Variants in DENND1A observed in about 807,000 individuals in gnomAD.
The protein encoded by DENND1A is DENN domain containing 1A.
A neutral mutation model predicts 113.7 loss-of-function variants in DENND1A; 51 were observed. The observed-to-expected ratio is 0.45, with a 90% confidence interval of 0.36 to 0.57. The LOEUF is 0.57. Among genes scored for constraint, DENND1A ranks in the 20% least tolerant of loss-of-function variants. The pLI is 0.00. For missense variants in DENND1A, 1,258 were observed against 1,395.9 expected, an observed-to-expected ratio of 0.90 and a Z score of 1.57; for synonymous variants, 565 against 570.8, an observed-to-expected ratio of 0.99 and a Z score of 0.14.
chr9:123,879,553 TACACACAC>T (rs138124573), intron 1 of DENND1A, among the ~76,000 whole-genome samples: 3 of 149,996 alleles, frequency 2.0e-5, no homozygotes, highest in East Asian at 2.0e-4. Context: ...AATAAAATTA[TACACACAC>T]ACACACACAC....
At chr9:123,493,010 C>A (rs1180504181) in intron 13 of DENND1A, 1 of 152,212 alleles carries the variant, frequency 6.6e-6, no homozygotes, top group Non-Finnish European at 1.5e-5. Context: ...CCTGAGGAAC[C>A]CCTGCTGAGG....
At chr9:123,859,691 G>A (rs536933388) in intron 2 of DENND1A, among the ~76,000 whole-genome samples, 22 of 152,148 alleles carry the variant, frequency 1.4e-4, no homozygotes, top group African/African-American at 5.1e-4. Context: ...CTATACAAAT[G>A]CTAGCCATTT....
At chr9:123,637,177 A>G (rs1042191985) in intron 9 of DENND1A, among the ~76,000 whole-genome samples, 2 of 152,210 alleles carry the variant, frequency 1.3e-5, no homozygotes, top group Non-Finnish European at 2.9e-5. Flanking sequence ...ACAGGGTTAG[A>G]GGCATTTGGA....
intron 2 of DENND1A, among the ~76,000 whole-genome samples, chr9:123,801,170 T>C (rs1449198017): frequency 6.6e-6 from 1 of 152,206 alleles, no homozygotes; most frequent in African/African-American, 2.4e-5. Context: ...AAAATATACA[T>C]ACAATTTACT....
intron 3 of DENND1A, among the ~76,000 whole-genome samples, chr9:123,792,198 T>C (rs1010223395): frequency 6.6e-6 from 1 of 152,206 alleles, no homozygotes; most frequent in African/African-American, 2.4e-5. Flanking sequence ...TTCCAGGAAA[T>C]GTTATAAACT....
At chr9:123,721,397 C>A (rs1248254002) in intron 5 of DENND1A, among the ~76,000 whole-genome samples, 1 of 152,178 alleles carries the variant, frequency 6.6e-6, no homozygotes, top group Non-Finnish European at 1.5e-5. Flanking sequence ...GTCCAACCTG[C>A]CTATCATGCT....
intron 21 of DENND1A, among the ~76,000 whole-genome samples, chr9:123,388,633 T>TA (rs1252005863): frequency 2.0e-5 from 3 of 152,190 alleles, no homozygotes; most frequent in Non-Finnish European, 4.4e-5. Context: ...TTCATTGTTA[T>TA]AAAAAATGCA....
At chr9:123,858,553 G>A (rs16926913) in intron 2 of DENND1A, among the ~76,000 whole-genome samples, 25,691 of 152,054 alleles carry the variant, frequency 0.17, 4,157 homozygotes, top group African/African-American at 0.42. Context: ...TAGGATCGGC[G>A]TTTCCATTTT....
chr9:123,414,297 C>G, intron 19 of DENND1A: 1 of 1,384,760 alleles, frequency 7.2e-7, no homozygotes, highest in Non-Finnish European at 9.3e-7. Flanking sequence ...CACAGTGCCA[C>G]CAACAGACAT....
In DENND1A at chr9:123,891,626, C is replaced by T. The variant is rs188827053; in HGVS notation, c.18-12605G>A. Among the ~76,000 whole-genome samples the T allele has an allele frequency of 5.3e-3, 809 of 152,278 alleles. 14 individuals carry two copies. Among genetic ancestry groups the T allele is most frequent in the Non-Finnish European group, 5.1e-3 (345 of 68,022 alleles). ...TCTTTAGAAGACCTTGAAATATACA[C>T]TTTAATAATAATAAATAAAATCGTA... On this transcript the variant is annotated intron_variant, in intron 1 of 23. Coordinates refer to ENST00000394215, the MANE Select transcript of DENND1A (RefSeq NM_001352964.2).
intron 21 of DENND1A, among the ~76,000 whole-genome samples, chr9:123,390,394 G>A (rs756860005): frequency 6.6e-6 from 1 of 152,252 alleles, no homozygotes; most frequent in Non-Finnish European, 1.5e-5. Context: ...GAGATGCTAA[G>A]ATGTGAAGAA....
chr9:123,560,033 T>TA (rs1158984779), intron 12 of DENND1A, among the ~76,000 whole-genome samples: 2 of 152,260 alleles, frequency 1.3e-5, no homozygotes, highest in Non-Finnish European at 2.9e-5. Context: ...TCATACTTTT[T>TA]ATGGCTAAAT....
intron 21 of DENND1A, among the ~76,000 whole-genome samples, chr9:123,392,514 G>A (rs763342078): frequency 1.3e-5 from 2 of 152,070 alleles, no homozygotes; most frequent in African/African-American, 2.4e-5. Flanking sequence ...CAGTGGGCAG[G>A]TGCTGACGAG....
At chr9:123,698,640 C>T (rs1286071594) in intron 5 of DENND1A, among the ~76,000 whole-genome samples, 1 of 152,194 alleles carries the variant, frequency 6.6e-6, no homozygotes, top group Non-Finnish European at 1.5e-5. Flanking sequence ...ATGAGTCTAA[C>T]CACCAAATAG....
chr9:123,852,181 T>C (rs1843483611), intron 2 of DENND1A, among the ~76,000 whole-genome samples: 1 of 152,182 alleles, frequency 6.6e-6, no homozygotes, highest in African/African-American at 2.4e-5. Flanking sequence ...ACTTCTCTCT[T>C]TAGTTTACAA....
chr9:123,381,620 G>C lies in DENND1A; in HGVS notation c.3025C>G (p.Pro1009Ala), dbSNP rs758597456. Residue 1009 changes from proline (P) to alanine (A), a missense_variant, in exon 24 of 24, where the codon CCG becomes GCG. Pro to Ala is a conservative substitution (Grantham distance 27). Transcript: ENST00000394215. The surrounding 1 kb of genome is among the most constrained non-coding windows in gnomAD (Gnocchi z 4.7). ...QGLALRPGDP[P>A]LLPPRPPQGL... ...TGAGGGGGCCTGGGAGGCAGAAGCGGGGGGTCTCCAGGCCTCAGGGCCAGC... is the reference window on the plus strand; with the variant it reads ...TGAGGGGGCCTGGGAGGCAGAAGCGCGGGGTCTCCAGGCCTCAGGGCCAGC... The C allele has an allele frequency of 6.2e-7, 1 of 1,612,632 alleles. No individual in the cohort carries two copies. Among genetic ancestry groups the C allele is most frequent in the South Asian group, 1.1e-5 (1 of 91,056 alleles).
chr9:123,802,012 T>C (rs1389024590), intron 2 of DENND1A, among the ~76,000 whole-genome samples: 1 of 152,138 alleles, frequency 6.6e-6, no homozygotes, highest in East Asian at 1.9e-4. Context: ...GACAAAGAAC[T>C]ATGTCTTCCA....
intron 2 of DENND1A, among the ~76,000 whole-genome samples, chr9:123,802,404 A>T (rs1261359456): frequency 3.3e-5 from 1 of 30,624 alleles, no homozygotes; most frequent in Non-Finnish European, 7.0e-5. Flanking sequence ...CACCACCACC[A>T]CCATTCTGCT....
chr9:123,403,654 T>A lies in DENND1A; in HGVS notation c.1543-164A>T. 4.8e-6 allele frequency: 3 copies of A among 629,804 alleles called. No individual in the cohort carries two copies. In the South Asian group the frequency reaches 5.4e-5, roughly 11 times the overall value. 39.0% of individuals were successfully genotyped at this position (629,804 alleles called of 1,614,324 possible). Reference sequence around the variant, plus strand: ...CTATCACAGAAACATCACCATCTAATAGGCAGCAGACAGACACATTAACTG... The same window carrying A: ...CTATCACAGAAACATCACCATCTAAAAGGCAGCAGACAGACACATTAACTG... On this transcript the variant is annotated intron_variant, in intron 20 of 23. Coordinates refer to ENST00000394215, the MANE Select transcript of DENND1A (RefSeq NM_001352964.2).
Sources: allele counts gnomAD v4.1 joint callset (sites outside exome capture counted in the v4.1 genomes callset), GRCh38; gene constraint gnomAD v4.1.1; non-coding constraint Gnocchi (gnomAD v3.1); transcripts MANE v1.5; gene names NCBI Gene and HGNC (gene_info 2026-07-23, HGNC 2026-07-21).